ITPK1: variants seen among roughly 807,000 people sequenced by gnomAD.
The protein encoded by ITPK1 is inositol-tetrakisphosphate 1-kinase.
ITPK1 carries 21 observed loss-of-function variants against 45.3 expected under a neutral mutation model. The ratio of observed to expected loss-of-function variants is 0.46; its 90% CI spans 0.33 to 0.67. ITPK1 has a LOEUF of 0.67. Ranked by LOEUF, ITPK1 falls within the 30% of genes least tolerant of loss-of-function variation. ITPK1 has a pLI of 0.02. For missense variants in ITPK1, 474 were observed against 573.5 expected, an observed-to-expected ratio of 0.83 and a Z score of 1.77; for synonymous variants, 258 against 253.6, an observed-to-expected ratio of 1.02 and a Z score of -0.16.
At chr14:93,037,041 T>C (rs12894780) in intron 3 of ITPK1, 39,446 of 152,180 alleles carry the variant, frequency 0.26, 7,779 homozygotes, top group African/African-American at 0.55. Context: ...CAGAAGAGCC[T>C]GCAGGCCCAG....
At chr14:93,066,151 T>C (rs778628457) in intron 3 of ITPK1, 47 of 427,084 alleles carry the variant, frequency 1.1e-4, no homozygotes, top group Non-Finnish European at 2.1e-4. Context: ...CCACATCCTG[T>C]GTAGCACAAT....
At chr14:92,985,235 C>A (rs566680991) in intron 5 of ITPK1, among the ~76,000 whole-genome samples, 2 of 151,942 alleles carry the variant, frequency 1.3e-5, no homozygotes, top group Non-Finnish European at 2.9e-5. Flanking sequence ...CCACAGAGAG[C>A]GACAACCAGA....
chr14:92,947,093 T>C (rs1174023176), intron 9 of ITPK1, among the ~76,000 whole-genome samples: 1 of 152,204 alleles, frequency 6.6e-6, no homozygotes. Context: ...TGAGGAGTTC[T>C]GATCAGACCC....
chr14:93,015,692 G>A (rs895054946), intron 4 of ITPK1, among the ~76,000 whole-genome samples: 5 of 152,222 alleles, frequency 3.3e-5, no homozygotes, highest in South Asian at 2.1e-4. Context: ...CTCTGTGTCC[G>A]GGGCCACTTC....
At chr14:93,008,862 T>C (rs1347030331) in intron 4 of ITPK1, among the ~76,000 whole-genome samples, 3 of 152,240 alleles carry the variant, frequency 2.0e-5, no homozygotes, top group African/African-American at 7.2e-5. Context: ...GACAAGATGT[T>C]AGTCCTCTTG....
intron 3 of ITPK1, among the ~76,000 whole-genome samples, chr14:93,054,661 C>T (rs1773897815): frequency 6.6e-6 from 1 of 152,182 alleles, no homozygotes; most frequent in Non-Finnish European, 1.5e-5. Context: ...GGTTCATCCT[C>T]GGAGCCTGCA....
intron 4 of ITPK1, among the ~76,000 whole-genome samples, chr14:93,005,627 C>T (rs1887571469): frequency 6.6e-6 from 1 of 152,182 alleles, no homozygotes; most frequent in Non-Finnish European, 1.5e-5. Context: ...AGGGACCAGT[C>T]CTTGGTTGGT....
intron 2 of ITPK1, among the ~76,000 whole-genome samples, chr14:93,097,548 G>C (rs1422539404): frequency 1.3e-5 from 2 of 152,138 alleles, no homozygotes; most frequent in Admixed American, 6.5e-5. Context: ...ACAGAACTGT[G>C]GGATGAAAAA....
In ITPK1 at chr14:93,115,897, C is replaced by T. The variant is rs1386481553; in HGVS notation, c.-268G>A. On this transcript the variant is annotated 5_prime_UTR_variant, in exon 1 of 11. Transcript: ENST00000267615. Reference sequence around the variant, plus strand: ...CGCCGCCCCGCGCTGGCCCGGCCGCCCCGCTTGAGCCCGCGGCGGCGAGGA... The same window carrying T: ...CGCCGCCCCGCGCTGGCCCGGCCGCTCCGCTTGAGCCCGCGGCGGCGAGGA... 1 of 145,872 alleles carries T rather than the reference C, an allele frequency of 6.9e-6. No individual in the cohort carries two copies. Among genetic ancestry groups the T allele is most frequent in the East Asian group, 2.0e-4 (1 of 5,002 alleles). 9.0% of individuals were successfully genotyped at this position (145,872 alleles called of 1,614,324 possible).
rs141414302 is a variant in ITPK1, at chr14:92,959,639, G to A, written c.505-1273C>T. Among the ~76,000 whole-genome samples the A allele has an allele frequency of 4.3e-4, 66 of 152,140 alleles. No individual in the cohort carries two copies. The East Asian group carries it at 0.01, about 24-fold the overall frequency. On this transcript the variant is annotated intron_variant, in intron 7 of 10. Transcript: ENST00000267615. ...GGCTGGGCCCCCACCCTGCTTAAGC[G>A]CCACTGTCTTCCTCTGCAAAATCAT...
Position 93,113,095 on chromosome 14 carries a change from G to C in ITPK1, c.95+1974C>G, listed in dbSNP as rs114666038. 7.0e-3 allele frequency among the ~76,000 whole-genome samples: 1,060 copies of C among 152,302 alleles called. 19 individuals are homozygous for C. Among genetic ancestry groups the C allele is most frequent in the African/African-American group, 0.024 (1,009 of 41,562 alleles). ...TGATAAAATATCTAAAGCTTCCCTA[G>C]TGAAAACACAAAGTGGGCTTCCTCG... is the stretch of plus-strand genomic sequence containing the variant. On this transcript the variant is annotated intron_variant, in intron 2 of 10. Coordinates refer to ENST00000267615, the MANE Select transcript of ITPK1 (RefSeq NM_014216.6).
rs528741727 is a variant in ITPK1, at chr14:93,023,779, C to A, written c.121-6978G>T. ...GATAACTTGTCAGAGCCCTTAGGAG[C>A]AAAAGGCAGGAGCCTTGATAGAGCC... On this transcript the variant is annotated intron_variant, in intron 3 of 10. Coordinates refer to ENST00000267615, the MANE Select transcript of ITPK1 (RefSeq NM_014216.6). Among the ~76,000 whole-genome samples, 8 of 152,230 alleles carry A rather than the reference C, an allele frequency of 5.3e-5. No homozygotes were observed. In the South Asian group the frequency reaches 1.7e-3, roughly 32 times the overall value.
intron 3 of ITPK1, among the ~76,000 whole-genome samples, chr14:93,055,145 G>A (rs934746831): frequency 1.3e-5 from 2 of 152,180 alleles, no homozygotes; most frequent in African/African-American, 2.4e-5. Flanking sequence ...CATTCTCACT[G>A]CTGTATTCGA....
chr14:92,958,031 C>G lies in ITPK1; in HGVS notation c.670+170G>C, dbSNP rs976442172. ...GGAATAGGGACATTTTACTAGTTCC[C>G]CAAGACCTCTTTATCCACCGTACAC... On this transcript the variant is annotated intron_variant, in intron 8 of 10. Transcript: ENST00000267615. This position sits in a 1 kb window ranked among gnomAD's most constrained non-coding sequence, Gnocchi z 4.4. Among the ~76,000 whole-genome samples, 2 of 152,192 alleles carry G rather than the reference C, an allele frequency of 1.3e-5. No homozygotes were observed. Among genetic ancestry groups the G allele is most frequent in the Non-Finnish European group, 2.9e-5 (2 of 68,020 alleles).
intron 3 of ITPK1, among the ~76,000 whole-genome samples, chr14:93,024,014 T>C (rs1252975790): frequency 6.6e-6 from 1 of 151,938 alleles, no homozygotes; most frequent in African/African-American, 2.4e-5. Flanking sequence ...TCTAGTCCTG[T>C]CCTGGGGGGA....
At chr14:93,018,900 C>T (rs940839862) in intron 3 of ITPK1, among the ~76,000 whole-genome samples, 2 of 152,212 alleles carry the variant, frequency 1.3e-5, no homozygotes, top group African/African-American at 2.4e-5. Context: ...ATGAGCAGCC[C>T]GCTGACCTGG....
intron 4 of ITPK1, among the ~76,000 whole-genome samples, chr14:92,996,675 C>T (rs1887073388): frequency 6.6e-6 from 1 of 152,170 alleles, no homozygotes; most frequent in African/African-American, 2.4e-5. Context: ...GATCAAAAGC[C>T]TTCTCCGCTT....
chr14:92,959,802 CAT>C (rs746210535), intron 7 of ITPK1, among the ~76,000 whole-genome samples: 39 of 152,042 alleles, frequency 2.6e-4, no homozygotes, highest in Non-Finnish European at 5.0e-4. Context: ...GTTCTGAGAA[CAT>C]AAAATGAAGA....
At chr14:92,950,639 G>A (rs1339359710) in intron 9 of ITPK1, among the ~76,000 whole-genome samples, 1 of 152,200 alleles carries the variant, frequency 6.6e-6, no homozygotes. Flanking sequence ...TTCTGGATGG[G>A]TCCTTCTGCC....
Sources: gnomAD v4.1 joint callset for allele counts (sites outside exome capture counted in the v4.1 genomes callset) on GRCh38, gnomAD v4.1.1 for gene constraint, Gnocchi (gnomAD v3.1) non-coding constraint, MANE v1.5 for transcripts, NCBI Gene and HGNC (gene_info 2026-07-23, HGNC 2026-07-21) for gene names.